The following NUP210L variants were observed in gnomAD, a reference collection of about 807,000 sequenced individuals.
NUP210L encodes the protein nuclear pore membrane glycoprotein 210-like.
A neutral mutation model predicts 208.5 loss-of-function variants in NUP210L; 74 were observed. That is an observed-to-expected ratio of 0.35 (90% CI 0.29 to 0.43). NUP210L has a LOEUF of 0.43. NUP210L is among the 20% of genes least tolerant of loss of function. NUP210L has a pLI of 1.00. For synonymous variants in NUP210L, 780 were observed against 816.9 expected (o/e 0.95, Z 0.77); for missense variants, 1,843 against 2,289.4 (o/e 0.81, Z 3.98).
At chr1:154,049,500 T>C (rs1367494169) in intron 25 of NUP210L, among the ~76,000 whole-genome samples, 1 of 152,132 alleles carries the variant, frequency 6.6e-6, no homozygotes, top group Non-Finnish European at 1.5e-5. Flanking sequence ...CCAGAATCTA[T>C]AGCTTTAAAA....
chr1:154,032,644 G>A (rs1317372840), intron 27 of NUP210L, among the ~76,000 whole-genome samples: 2 of 152,086 alleles, frequency 1.3e-5, no homozygotes, highest in South Asian at 2.1e-4. Flanking sequence ...CAGGCCAGGT[G>A]TGGTGGCTCA....
Position 154,134,507 on chromosome 1 carries a change from G to A in NUP210L, c.1009+1307C>T, listed in dbSNP as rs372035114. Among the ~76,000 whole-genome samples the A allele has an allele frequency of 2.1e-4, 32 of 149,876 alleles. No individual in the cohort carries two copies. In the East Asian group the frequency reaches 5.0e-3, roughly 23 times the overall value. ...AATCCCAGCACTTTGGGAGGCCGAG[G>A]CGGGCAGATCACAAGGTCAGGAGAT... On this transcript the variant is annotated intron_variant, in intron 7 of 39. Transcript: ENST00000368559.
At chr1:154,015,261 T>A (rs1158109164) in intron 33 of NUP210L, among the ~76,000 whole-genome samples, 1 of 142,056 alleles carries the variant, frequency 7.0e-6, no homozygotes, top group East Asian at 2.1e-4. Context: ...CAATTAAAAG[T>A]GATAGGTGTA....
At chr1:154,124,206 A>G (rs1450147570) in intron 10 of NUP210L, among the ~76,000 whole-genome samples, 14 of 150,776 alleles carry the variant, frequency 9.3e-5, no homozygotes, top group South Asian at 8.4e-4. Flanking sequence ...AAAAAAAAAA[A>G]AGAGAGAGAG....
intron 12 of NUP210L, 46 bp from the exon 13 acceptor site, chr1:154,104,256 A>T (rs377168740): frequency 6.5e-6 from 10 of 1,547,350 alleles, no homozygotes; most frequent in African/African-American, 5.4e-5. Flanking sequence ...GTTAAAAAAA[A>T]GTCTTAGGAG....
At chr1:154,111,348 A>C (rs1657031166) in intron 12 of NUP210L, among the ~76,000 whole-genome samples, 1 of 151,498 alleles carries the variant, frequency 6.6e-6, no homozygotes, top group Admixed American at 6.6e-5. Flanking sequence ...GCACCACTGC[A>C]CTCCAGCCTG....
At chr1:154,101,164 C>G (rs1437614166) in intron 13 of NUP210L, among the ~76,000 whole-genome samples, 2 of 95,658 alleles carry the variant, frequency 2.1e-5, no homozygotes, top group African/African-American at 8.2e-5. Context: ...AAGAGTGAAA[C>G]TCTGTCTCAA....
At chr1:154,002,430 G>A (rs751900870) in intron 35 of NUP210L, among the ~76,000 whole-genome samples, 26 of 151,802 alleles carry the variant, frequency 1.7e-4, no homozygotes, top group Non-Finnish European at 2.8e-4. Flanking sequence ...TCAAGAGTTC[G>A]AGACCAGCCT....
chr1:154,117,627 A>T, intron 12 of NUP210L, 98 bp downstream of exon 12: 1 of 912,026 alleles, frequency 1.1e-6, no homozygotes, highest in Non-Finnish European at 1.6e-6. Context: ...TAATATTTTT[A>T]AATAGCCATG....
chr1:154,123,664 G>A (rs1010127100), intron 10 of NUP210L, among the ~76,000 whole-genome samples: 1 of 151,886 alleles, frequency 6.6e-6, no homozygotes, highest in Non-Finnish European at 1.5e-5. Context: ...GATCACTTGA[G>A]GTCAGGAGTT....
chr1:154,095,230 A>G (rs538555244), intron 14 of NUP210L, 74 bp from the exon 15 acceptor site: 479 of 1,077,420 alleles, frequency 4.4e-4, no homozygotes, highest in Non-Finnish European at 6.0e-4. Flanking sequence ...AACACTAGTT[A>G]TCTGAATATG....
intron 27 of NUP210L, among the ~76,000 whole-genome samples, chr1:154,042,314 G>A (rs769101714): frequency 7.8e-4 from 119 of 152,222 alleles, no homozygotes; most frequent in African/African-American, 2.6e-3. Context: ...TGTTGCCCAG[G>A]CTGGTCTTGA....
chr1:154,060,902 C>T, intron 19 of NUP210L, 40 bp downstream of exon 19: 3 of 1,325,626 alleles, frequency 2.3e-6, no homozygotes, highest in Non-Finnish European at 3.2e-6. Context: ...AACTTCCCCT[C>T]CAATATGATT....
chr1:154,111,826 T>C (rs1472025703), intron 12 of NUP210L, among the ~76,000 whole-genome samples: 1 of 151,762 alleles, frequency 6.6e-6, no homozygotes, highest in Non-Finnish European at 1.5e-5. Context: ...CAAAGACTTA[T>C]TAAAAACAAA....
chr1:154,027,115 A>G (rs981518373), intron 29 of NUP210L, among the ~76,000 whole-genome samples: 2 of 151,570 alleles, frequency 1.3e-5, no homozygotes, highest in South Asian at 2.1e-4. Flanking sequence ...AAAAAACAAA[A>G]AACACAAAAC....
At chr1:154,037,054 A>G (rs1652596201) in intron 27 of NUP210L, among the ~76,000 whole-genome samples, 1 of 152,158 alleles carries the variant, frequency 6.6e-6, no homozygotes, top group South Asian at 2.1e-4. Flanking sequence ...AAGAGCCACA[A>G]TGACTGGCCA....
chr1:154,068,860 G>C (rs1441669195), intron 17 of NUP210L, among the ~76,000 whole-genome samples: 2 of 152,068 alleles, frequency 1.3e-5, no homozygotes, highest in Non-Finnish European at 2.9e-5. Context: ...AGCATTAGGA[G>C]ATATACCTAA....
At position 154,058,701 on chromosome 1, in the gene NUP210L, TAAG is replaced by T; in HGVS notation, c.2851-11_2851-9del. The T allele has an allele frequency of 6.2e-7, 1 of 1,612,296 alleles. No homozygotes were observed. Among genetic ancestry groups the T allele is most frequent in the Non-Finnish European group, 8.5e-7 (1 of 1,179,158 alleles). ...AGGATGTAATGGAACTAACTGGAAG[TAAG>T]AAGATGGTAGCTGGATAAAGAAGCA... On this transcript the variant is annotated splice_polypyrimidine_tract_variant and intron_variant, in intron 20 of 39. Coordinates refer to ENST00000368559, the Ensembl canonical transcript of NUP210L.
At chr1:154,123,958 C>T (rs374940373) in intron 10 of NUP210L, among the ~76,000 whole-genome samples, 18 of 150,098 alleles carry the variant, frequency 1.2e-4, no homozygotes, top group Middle Eastern at 3.2e-3. Flanking sequence ...CCAAGGTGGG[C>T]GGATCACAAG....
Sources: allele counts gnomAD v4.1 joint callset (sites outside exome capture counted in the v4.1 genomes callset), GRCh38; gene constraint gnomAD v4.1.1; transcripts MANE v1.5; gene names NCBI Gene and HGNC (gene_info 2026-07-23, HGNC 2026-07-21).